The following MAGI2 variants were observed in gnomAD, a reference collection of about 807,000 sequenced individuals.
MAGI2 encodes the protein membrane-associated guanylate kinase, WW and PDZ domain-containing protein 2.
In MAGI2, 35 loss-of-function variants were observed where a neutral mutation model predicts 133.3. The ratio of observed to expected loss-of-function variants is 0.26; its 90% CI spans 0.20 to 0.35. MAGI2 has a LOEUF of 0.35. Among genes scored for constraint, MAGI2 ranks in the 10% least tolerant of loss-of-function variants. The pLI is 1.00. For missense variants in MAGI2, 1,636 were observed against 1,863.4 expected (o/e 0.88, Z 2.25); for synonymous variants, 729 against 710.6 (o/e 1.03, Z -0.41).
intron 10 of MAGI2, among the ~76,000 whole-genome samples, chr7:78,229,865 C>G (rs1789781455): frequency 6.6e-6 from 1 of 152,026 alleles, no homozygotes; most frequent in Non-Finnish European, 1.5e-5. Flanking sequence ...AACTGAGACT[C>G]CAGACACAGA....
chr7:78,963,656 G>C (rs987613911), intron 2 of MAGI2, among the ~76,000 whole-genome samples: 2 of 151,788 alleles, frequency 1.3e-5, no homozygotes, highest in Non-Finnish European at 2.9e-5. Context: ...AGCAGAAATT[G>C]CTCAAACAAC....
intron 1 of MAGI2, among the ~76,000 whole-genome samples, chr7:79,090,512 G>T (rs1290505628): frequency 6.6e-6 from 1 of 152,054 alleles, no homozygotes; most frequent in African/African-American, 2.4e-5. Flanking sequence ...TAGCTGATTT[G>T]CTTAGAACAT....
chr7:78,527,866 G>A (rs1219533139), intron 3 of MAGI2, among the ~76,000 whole-genome samples: 1 of 152,092 alleles, frequency 6.6e-6, no homozygotes, highest in Non-Finnish European at 1.5e-5. Flanking sequence ...ATCAAATAAC[G>A]ATAGATCCTT....
rs1813721045 is a variant in MAGI2, at chr7:78,667,365, ATTC to A, written c.419-40129_419-40127del. 4.7e-5 allele frequency among the ~76,000 whole-genome samples: 7 copies of A among 148,712 alleles called. No homozygotes were observed. In the South Asian group the frequency reaches 6.3e-4, roughly 13 times the overall value. On this transcript the variant is annotated intron_variant, in intron 2 of 21. Coordinates refer to ENST00000354212, the MANE Select transcript of MAGI2 (RefSeq NM_012301.4). ...AACCAATTGGGTTTTTTTTTTTGAG[ATTC>A]TTTTTTTTTTAATTTTTTAAAAAAT... is the stretch of plus-strand genomic sequence containing the variant.
chr7:78,649,237 A>AAAAGAAG (rs1554512663), intron 2 of MAGI2, among the ~76,000 whole-genome samples: 1 of 65,486 alleles, frequency 1.5e-5, no homozygotes, highest in South Asian at 4.1e-4. Flanking sequence ...AAAAAAAAAG[A>AAAAGAAG]AAAAAAAAGA....
intron 6 of MAGI2, among the ~76,000 whole-genome samples, chr7:78,431,836 G>A (rs1181990083): frequency 6.6e-6 from 1 of 151,832 alleles, no homozygotes; most frequent in Non-Finnish European, 1.5e-5. Flanking sequence ...ATACTAGGAG[G>A]AGAAAATAGA....
chr7:78,558,841 T>TG (rs926501145), intron 3 of MAGI2, among the ~76,000 whole-genome samples: 8 of 149,000 alleles, frequency 5.4e-5, no homozygotes, highest in African/African-American at 2.0e-4. Flanking sequence ...GACACCGTTT[T>TG]TTTTTTTTTT....
At chr7:78,509,622 T>C (rs1018140492) in intron 4 of MAGI2, among the ~76,000 whole-genome samples, 4 of 152,202 alleles carry the variant, frequency 2.6e-5, no homozygotes, top group Non-Finnish European at 5.9e-5. Flanking sequence ...GCCATTCCGT[T>C]TGCTTTCTTG....
chr7:79,205,060 T>TA (rs543792544), intron 1 of MAGI2, among the ~76,000 whole-genome samples: 100 of 148,570 alleles, frequency 6.7e-4, no homozygotes, highest in East Asian at 1.8e-3. Flanking sequence ...GAAAGTTTAT[T>TA]AAAAAAAAAA....
chr7:78,554,105 A>G (rs1156674695), intron 3 of MAGI2, among the ~76,000 whole-genome samples: 1 of 152,204 alleles, frequency 6.6e-6, no homozygotes, highest in African/African-American at 2.4e-5. Flanking sequence ...GCATTCTGAG[A>G]TGCTCTCCAG....
intron 1 of MAGI2, among the ~76,000 whole-genome samples, chr7:79,137,813 C>A (rs1821733935): frequency 6.6e-6 from 1 of 152,148 alleles, no homozygotes; most frequent in African/African-American, 2.4e-5. Context: ...CCCCCCACCC[C>A]ACAACATATG....
chr7:78,822,939 C>T (rs1424905648), intron 2 of MAGI2, among the ~76,000 whole-genome samples: 1 of 152,166 alleles, frequency 6.6e-6, no homozygotes, highest in African/African-American at 2.4e-5. Flanking sequence ...ATGGGCATTA[C>T]TCAAGTCAGT....
intron 10 of MAGI2, among the ~76,000 whole-genome samples, chr7:78,217,036 G>A (rs1375744643): frequency 2.6e-5 from 4 of 152,152 alleles, no homozygotes; most frequent in African/African-American, 7.2e-5. Context: ...CATCTCCAAT[G>A]TTCTCCTTTT....
intron 1 of MAGI2, among the ~76,000 whole-genome samples, chr7:79,288,383 T>G (rs1444350331): frequency 6.6e-6 from 1 of 152,190 alleles, no homozygotes; most frequent in East Asian, 1.9e-4. Context: ...TAACTATATA[T>G]TATGAACATT....
chr7:78,440,295 G>C (rs191146333), intron 6 of MAGI2, among the ~76,000 whole-genome samples: 8 of 152,220 alleles, frequency 5.3e-5, no homozygotes, highest in African/African-American at 1.9e-4. Flanking sequence ...TTACAAACAA[G>C]GAAACTGAAG....
intron 16 of MAGI2, among the ~76,000 whole-genome samples, chr7:78,136,139 G>T (rs564982705): frequency 6.7e-6 from 1 of 149,274 alleles, no homozygotes; most frequent in Non-Finnish European, 1.5e-5. Context: ...TTTTTGAGAT[G>T]GAGTCTCACT....
At chr7:78,917,198 G>T (rs1009547219) in intron 2 of MAGI2, among the ~76,000 whole-genome samples, 1 of 152,010 alleles carries the variant, frequency 6.6e-6, no homozygotes, top group African/African-American at 2.4e-5. Context: ...GGAGTCTAAG[G>T]TATTTTTTAA....
At chr7:78,542,104 T>C (rs1798458134) in intron 3 of MAGI2, among the ~76,000 whole-genome samples, 1 of 152,228 alleles carries the variant, frequency 6.6e-6, no homozygotes, top group East Asian at 1.9e-4. Context: ...TTATTTATGA[T>C]ACTAATATTT....
At position 78,019,189 on chromosome 7, in the gene MAGI2, G is replaced by C; in HGVS notation, c.*126C>G. 8.8e-7 allele frequency: 1 copy of C among 1,139,672 alleles called. No individual in the cohort carries two copies. The highest frequency in any genetic ancestry group is 1.2e-6 in the Non-Finnish European group (1 of 812,666). The allele number at this position is 1,139,672 out of a possible 1,614,324, so 70.6% of individuals were successfully genotyped here. ...CGGACACGTGGGACTTCACGTCGAT[G>C]CTCCCAGGCCTTGGTGCCTCGTGGA... On this transcript the variant is annotated 3_prime_UTR_variant, in exon 22 of 22. Transcript: ENST00000354212.
Sources: allele counts gnomAD v4.1 joint callset (sites outside exome capture counted in the v4.1 genomes callset), GRCh38; gene constraint gnomAD v4.1.1; transcripts MANE v1.5; gene names NCBI Gene and HGNC (gene_info 2026-07-23, HGNC 2026-07-21).